TENM2: variants seen among roughly 807,000 people sequenced by gnomAD.
TENM2 encodes teneurin-2.
Under a neutral mutation model 245.2 loss-of-function variants are expected in TENM2, and 52 were observed. The ratio of observed to expected loss-of-function variants is 0.21; its 90% CI spans 0.17 to 0.27. The LOEUF (loss-of-function observed/expected upper bound fraction) is 0.27, where lower values mean the gene tolerates loss of function less well. Among genes scored for constraint, TENM2 ranks in the 10% least tolerant of loss-of-function variants. The pLI is 1.00. For missense variants in TENM2, 3,046 were observed against 3,666.8 expected, an observed-to-expected ratio of 0.83 and a Z score of 4.37; for synonymous variants, 1,363 against 1,438.9, an observed-to-expected ratio of 0.95 and a Z score of 1.19.
chr5:168,027,734 G>A (rs1786753763), intron 5 of TENM2, among the ~76,000 whole-genome samples: 1 of 152,168 alleles, frequency 6.6e-6, no homozygotes, highest in Admixed American at 6.5e-5. Flanking sequence ...GCCCTATCTT[G>A]TGTTAAAGAT....
At position 167,946,186 on chromosome 5, in the gene TENM2, C is replaced by T. The variant is rs560962676; in HGVS notation, c.713-6402C>T. ...TACTTAGAGACAAATAAGGAAATCT[C>T]TTCAAATATGGGAGGAGGCTGGATT... On this transcript the variant is annotated intron_variant, in intron 3 of 28. Coordinates refer to ENST00000518659, the Ensembl canonical transcript of TENM2. Among the ~76,000 whole-genome samples the T allele has an allele frequency of 3.0e-4, 46 of 152,300 alleles. No homozygotes were observed. The South Asian group carries it at 8.9e-3, about 29-fold the overall frequency.
chr5:167,155,849 G>C, the TENM2 span, among the ~76,000 whole-genome samples: 1 of 152,250 alleles, frequency 6.6e-6, no homozygotes, highest in East Asian at 1.9e-4. Context: ...CACGCAGCGT[G>C]TGTGGAAAAT....
At chr5:167,857,674 T>C (rs1771218203) in intron 2 of TENM2, among the ~76,000 whole-genome samples, 1 of 152,200 alleles carries the variant, frequency 6.6e-6, no homozygotes, top group African/African-American at 2.4e-5. Context: ...GTTTGGAAGA[T>C]AAGAGTCTAA....
At chr5:167,734,991 A>G (rs1760702233) in intron 2 of TENM2, among the ~76,000 whole-genome samples, 1 of 152,210 alleles carries the variant, frequency 6.6e-6, no homozygotes, top group Non-Finnish European at 1.5e-5. Flanking sequence ...ATATCCAAGT[A>G]TCTGGATGTT....
chr5:167,121,789 T>C, the TENM2 span, among the ~76,000 whole-genome samples: 3 of 152,220 alleles, frequency 2.0e-5, no homozygotes, highest in Non-Finnish European at 2.9e-5. Flanking sequence ...AAAACTTTCC[T>C]CTGTATAGAT....
chr5:168,074,627 C>G (rs1791304791), intron 7 of TENM2, among the ~76,000 whole-genome samples: 1 of 152,114 alleles, frequency 6.6e-6, no homozygotes, highest in Non-Finnish European at 1.5e-5. Flanking sequence ...GCTGGCCAGT[C>G]CCTCTGCAGT....
At chr5:168,034,001 T>G (rs988193877) in intron 5 of TENM2, among the ~76,000 whole-genome samples, 22 of 148,918 alleles carry the variant, frequency 1.5e-4, no homozygotes, top group African/African-American at 4.8e-4. Flanking sequence ...CACTCCAGCC[T>G]GAGCAACAGA....
At chr5:166,982,793 G>A in the TENM2 span, among the ~76,000 whole-genome samples, 1 of 147,792 alleles carries the variant, frequency 6.8e-6, no homozygotes, top group Non-Finnish European at 1.5e-5. Context: ...GTTTTTTTTG[G>A]GGGGGGGAGG....
the TENM2 span, among the ~76,000 whole-genome samples, chr5:167,079,101 C>T: frequency 6.6e-6 from 1 of 151,964 alleles, no homozygotes; most frequent in African/African-American, 2.4e-5. Context: ...CTGCACATGT[C>T]CATGAATGAC....
At chr5:167,056,903 T>C in the TENM2 span, among the ~76,000 whole-genome samples, 1 of 151,854 alleles carries the variant, frequency 6.6e-6, no homozygotes, top group Non-Finnish European at 1.5e-5. Context: ...TCAGTCATTA[T>C]TGCTTCAAAT....
intron 1 of TENM2, among the ~76,000 whole-genome samples, chr5:167,366,147 A>C (rs1760040510): frequency 6.6e-6 from 1 of 152,102 alleles, no homozygotes; most frequent in African/African-American, 2.4e-5. Context: ...TAAGAAAAAG[A>C]AGGCACAAAT....
Position 168,244,722 on chromosome 5 carries a change from T to A in TENM2, c.5817+6T>A, listed in dbSNP as rs1416499113. On this transcript the variant is annotated splice_donor_region_variant and intron_variant, in intron 26 of 28. Transcript: ENST00000518659. This position sits in a 1 kb window ranked among gnomAD's most constrained non-coding sequence, Gnocchi z 4.9. Reference sequence around the variant, plus strand: ...GCTACTCCTACCTTGACAAGGTAGGTGAACATGCTGCCCTGACAGCAAGGG... The same window carrying A: ...GCTACTCCTACCTTGACAAGGTAGGAGAACATGCTGCCCTGACAGCAAGGG... The A allele has an allele frequency of 2.1e-6, 3 of 1,420,572 alleles. No homozygotes were observed. The highest frequency in any genetic ancestry group is 1.7e-5 in the South Asian group (1 of 58,176). 88.0% of individuals were successfully genotyped at this position (1,420,572 alleles called of 1,614,324 possible). A position where few individuals can be genotyped will look rare whatever the true frequency, so the allele number is the denominator to read the frequency against.
chr5:167,815,550 A>T (rs1766980991), intron 2 of TENM2, among the ~76,000 whole-genome samples: 1 of 152,162 alleles, frequency 6.6e-6, no homozygotes. Context: ...AAGTTACAAT[A>T]AGAGGCCATG....
intron 2 of TENM2, among the ~76,000 whole-genome samples, chr5:167,869,321 C>A (rs547817345): frequency 2.0e-5 from 3 of 152,118 alleles, no homozygotes; most frequent in Non-Finnish European, 4.4e-5. Context: ...GAAACCAACT[C>A]ATAGGTGAAT....
chr5:167,845,079 A>G (rs1421104764), intron 2 of TENM2, among the ~76,000 whole-genome samples: 1 of 152,108 alleles, frequency 6.6e-6, no homozygotes, highest in African/African-American at 2.4e-5. Context: ...GCCAACGTTC[A>G]GTCTTGTTTG....
chr5:167,504,858 C>T (rs1769437057), intron 2 of TENM2, among the ~76,000 whole-genome samples: 2 of 152,138 alleles, frequency 1.3e-5, no homozygotes, highest in South Asian at 4.1e-4. Context: ...ATTCATCACT[C>T]CTTTCTCTTC....
the TENM2 span, among the ~76,000 whole-genome samples, chr5:167,251,506 G>A: frequency 6.6e-6 from 1 of 152,128 alleles, no homozygotes; most frequent in African/African-American, 2.4e-5. Context: ...AGGGCAAGCA[G>A]TCATATTTCT....
At chr5:167,836,689 G>T (rs1231820594) in intron 2 of TENM2, among the ~76,000 whole-genome samples, 1 of 152,012 alleles carries the variant, frequency 6.6e-6, no homozygotes, top group African/African-American at 2.4e-5. Context: ...TGTACTATAG[G>T]ACTCACAGGT....
At chr5:167,294,723 G>A (rs966655554) in intron 1 of TENM2, among the ~76,000 whole-genome samples, 1 of 151,830 alleles carries the variant, frequency 6.6e-6, no homozygotes, top group Non-Finnish European at 1.5e-5. Flanking sequence ...TTTGAATCAA[G>A]TGCCAGTCTA....
Sources: gnomAD v4.1 joint callset for allele counts (sites outside exome capture counted in the v4.1 genomes callset) on GRCh38, gnomAD v4.1.1 for gene constraint, Gnocchi (gnomAD v3.1) non-coding constraint, MANE v1.5 for transcripts, NCBI Gene and HGNC (gene_info 2026-07-23, HGNC 2026-07-21) for gene names.